Variants in SUGCT observed in about 807,000 individuals in gnomAD.
SUGCT encodes succinyl-CoA:glutarate-CoA transferase, also known as succinyl-CoA:glutarate CoA-transferase.
In SUGCT, 41 loss-of-function variants were observed where a neutral mutation model predicts 55.0. That is an observed-to-expected ratio of 0.74 (90% CI 0.58 to 0.97). The LOEUF (loss-of-function observed/expected upper bound fraction) is 0.97, where lower values mean the gene tolerates loss of function less well. Among genes scored for constraint, SUGCT ranks in the 50% least tolerant of loss-of-function variants. SUGCT has a pLI of 0.00. For synonymous variants in SUGCT, 187 were observed against 200.4 expected, an observed-to-expected ratio of 0.93 and a Z score of 0.56; for missense variants, 568 against 547.8, an observed-to-expected ratio of 1.04 and a Z score of -0.37.
At chr7:40,180,157 C>CA (rs1785115238) in intron 1 of SUGCT, among the ~76,000 whole-genome samples, 1 of 151,254 alleles carries the variant, frequency 6.6e-6, no homozygotes, top group African/African-American at 2.4e-5. Flanking sequence ...CGGTGTCTTG[C>CA]TGTGTCGCTC....
intron 7 of SUGCT, among the ~76,000 whole-genome samples, chr7:40,246,500 C>T (rs1789884733): frequency 6.6e-6 from 1 of 151,996 alleles, no homozygotes; most frequent in African/African-American, 2.4e-5. Context: ...ATCTGCTTGC[C>T]TTGGCCTCCC....
chr7:40,898,539 C>T, the SUGCT span, among the ~76,000 whole-genome samples: 11 of 135,272 alleles, frequency 8.1e-5, no homozygotes, highest in Admixed American at 4.2e-4. Context: ...CTCGCTAACA[C>T]AGTGAAACCC....
intron 6 of SUGCT, 62 bp downstream of exon 6, chr7:40,195,122 C>G: frequency 1.4e-6 from 2 of 1,438,422 alleles, no homozygotes; most frequent in Non-Finnish European, 1.8e-6. Flanking sequence ...TTTCTTATTG[C>G]TATAAGAAAC....
At chr7:40,922,383 G>A in the SUGCT span, among the ~76,000 whole-genome samples, 1 of 152,134 alleles carries the variant, frequency 6.6e-6, no homozygotes, top group Non-Finnish European at 1.5e-5. Flanking sequence ...TTTAAGACCT[G>A]GGTGCTTCTG....
chr7:40,398,712 C>T (rs1785891128), intron 9 of SUGCT, among the ~76,000 whole-genome samples: 1 of 151,874 alleles, frequency 6.6e-6, no homozygotes, highest in Non-Finnish European at 1.5e-5. Context: ...ATAATCACAA[C>T]AGCTATAGGT....
intron 11 of SUGCT, among the ~76,000 whole-genome samples, chr7:40,470,773 CTCTCTCTGTCTT>C (rs1433280523): frequency 6.6e-6 from 1 of 151,158 alleles, no homozygotes; most frequent in East Asian, 1.9e-4. Flanking sequence ...CTCTCTCTCT[CTCTCTCTGTCTT>C]TCTCTCTCTG....
chr7:40,276,803 GTGTGTGTGTGTGTGTGTC>G (rs1158336342), intron 8 of SUGCT, among the ~76,000 whole-genome samples: 1 of 137,288 alleles, frequency 7.3e-6, no homozygotes, highest in African/African-American at 2.7e-5. Flanking sequence ...GCATGTGTGT[GTGTGTGTGTGTGTGTGTC>G]TGTCTGTCTG....
the SUGCT span, among the ~76,000 whole-genome samples, chr7:40,892,563 T>C: frequency 6.6e-6 from 1 of 152,194 alleles, no homozygotes; most frequent in Non-Finnish European, 1.5e-5. Context: ...AGAGAGGGTC[T>C]TGCTTTGTCA....
intron 7 of SUGCT, among the ~76,000 whole-genome samples, chr7:40,240,281 CGA>C (rs1789293125): frequency 5.3e-5 from 8 of 151,954 alleles, no homozygotes; most frequent in African/African-American, 1.9e-4. Flanking sequence ...TTCGGGAGTT[CGA>C]GACCAGCCTG....
intron 12 of SUGCT, among the ~76,000 whole-genome samples, chr7:40,651,088 A>G (rs571227730): frequency 5.3e-5 from 8 of 152,252 alleles, no homozygotes; most frequent in African/African-American, 1.9e-4. Context: ...TCCATGGTGT[A>G]TATGTACCAC....
intron 12 of SUGCT, among the ~76,000 whole-genome samples, chr7:40,656,860 CT>C (rs1801040320): frequency 6.6e-6 from 1 of 152,210 alleles, no homozygotes; most frequent in Admixed American, 6.5e-5. Context: ...TCAACTGGGG[CT>C]TTCTTGGCTT....
At chr7:40,170,261 A>G (rs936307242) in intron 1 of SUGCT, among the ~76,000 whole-genome samples, 1 of 152,096 alleles carries the variant, frequency 6.6e-6, no homozygotes, top group Non-Finnish European at 1.5e-5. Context: ...TTACGGCGGC[A>G]CTTCTCTCAT....
chr7:40,730,874 C>CT (rs1342936200), intron 12 of SUGCT, among the ~76,000 whole-genome samples: 1 of 152,198 alleles, frequency 6.6e-6, no homozygotes, highest in Non-Finnish European at 1.5e-5. Context: ...ATCACCTTCT[C>CT]TTTTAAGGCT....
At chr7:40,697,508 G>A (rs1784985851) in intron 12 of SUGCT, among the ~76,000 whole-genome samples, 1 of 152,134 alleles carries the variant, frequency 6.6e-6, no homozygotes, top group Non-Finnish European at 1.5e-5. Context: ...TGTTGTGGCA[G>A]GAGCCTGTAA....
At chr7:40,409,896 A>G (rs1224456875) in intron 9 of SUGCT, among the ~76,000 whole-genome samples, 1 of 152,170 alleles carries the variant, frequency 6.6e-6, no homozygotes, top group Non-Finnish European at 1.5e-5. Flanking sequence ...TGTTCATCAT[A>G]GTTGAGTCTT....
chr7:40,572,941 T>G (rs1413521647), intron 12 of SUGCT, among the ~76,000 whole-genome samples: 2 of 152,130 alleles, frequency 1.3e-5, no homozygotes, highest in Non-Finnish European at 2.9e-5. Flanking sequence ...ACGTCATCTG[T>G]CCTCTGCGTT....
chr7:40,441,225 G>A (rs1019709766), intron 9 of SUGCT, among the ~76,000 whole-genome samples: 1 of 152,088 alleles, frequency 6.6e-6, no homozygotes, highest in African/African-American at 2.4e-5. Context: ...TCCTATTTTA[G>A]AGATGTCAAA....
the SUGCT span, among the ~76,000 whole-genome samples, chr7:40,944,154 G>A: frequency 6.6e-6 from 1 of 151,878 alleles, no homozygotes; most frequent in Non-Finnish European, 1.5e-5. Flanking sequence ...AAATTTGTTT[G>A]AATTCATTGT....
At chr7:40,386,815 A>G (rs1785153457) in intron 9 of SUGCT, among the ~76,000 whole-genome samples, 1 of 152,172 alleles carries the variant, frequency 6.6e-6, no homozygotes, top group African/African-American at 2.4e-5. Context: ...ATGCAGATCC[A>G]ACCTCTTTGC....
Sources: gnomAD v4.1 joint callset for allele counts (sites outside exome capture counted in the v4.1 genomes callset) on GRCh38, gnomAD v4.1.1 for gene constraint, MANE v1.5 for transcripts, NCBI Gene and HGNC (gene_info 2026-07-23, HGNC 2026-07-21) for gene names.